The following GRM8 variants were observed in gnomAD, a reference collection of about 807,000 sequenced individuals.
GRM8 encodes metabotropic glutamate receptor 8.
Under a neutral mutation model 87.2 loss-of-function variants are expected in GRM8, and 47 were observed. The ratio of observed to expected loss-of-function variants is 0.54; its 90% CI spans 0.43 to 0.69. GRM8 has a LOEUF of 0.69. Among genes scored for constraint, GRM8 ranks in the 30% least tolerant of loss-of-function variants. GRM8 has a pLI of 0.00. For synonymous variants in GRM8, 396 were observed against 404.5 expected (o/e 0.98, Z 0.25); for missense variants, 1,019 against 1,139.2 (o/e 0.89, Z 1.52).
intron 2 of GRM8, chr7:127,111,156 G>T (rs1422731712): frequency 1.3e-5 from 2 of 152,182 alleles, no homozygotes; most frequent in African/African-American, 4.8e-5. Context: ...GTTCTTAGCA[G>T]ATAGTCATGT....
intron 2 of GRM8, among the ~76,000 whole-genome samples, chr7:127,134,717 G>A (rs528758413): frequency 6.6e-6 from 1 of 152,226 alleles, no homozygotes; most frequent in African/African-American, 2.4e-5. Context: ...TCTGTTAACT[G>A]ATAGGCATTT....
At chr7:126,761,521 C>T (rs546624393) in intron 7 of GRM8, among the ~76,000 whole-genome samples, 3 of 152,230 alleles carry the variant, frequency 2.0e-5, no homozygotes, top group Admixed American at 1.3e-4. Flanking sequence ...AACATACCAT[C>T]GCTGCCTTTA....
intron 2 of GRM8, among the ~76,000 whole-genome samples, chr7:127,231,108 A>G (rs749377801): frequency 6.6e-6 from 1 of 152,212 alleles, no homozygotes; most frequent in Non-Finnish European, 1.5e-5. Flanking sequence ...AACATGCGGC[A>G]TATACCTATG....
chr7:126,449,446 T>G (rs1276758105), intron 9 of GRM8, among the ~76,000 whole-genome samples: 1 of 151,862 alleles, frequency 6.6e-6, no homozygotes, highest in East Asian at 1.9e-4. Context: ...GAAACATTCT[T>G]TACCCTACAA....
rs189279671 is a variant in GRM8 at position 126,582,842 on chromosome 7, G to A, written c.1494+26520C>T. 2.1e-4 allele frequency among the ~76,000 whole-genome samples: 32 copies of A among 152,166 alleles called. No individual in the cohort carries two copies. The East Asian group carries it at 2.1e-3, about 10-fold the overall frequency. On this transcript the variant is annotated intron_variant, in intron 8 of 10. Coordinates refer to ENST00000339582, the MANE Select transcript of GRM8 (RefSeq NM_000845.3). ...TTTCATGTATGTTGGTTTACAACAT[G>A]GTTTACTGAATATTTTAAACATATC...
rs201469961 is a variant in GRM8 at position 126,533,754 on chromosome 7, C to T, written c.1628G>A (p.Gly543Asp). 86 of 1,614,070 alleles carry T rather than the reference C, an allele frequency of 5.3e-5. No individual in the cohort carries two copies. The East Asian group carries it at 1.7e-3, about 32-fold the overall frequency. The change falls in exon 9 of 11, where the codon GGT becomes GAT. Residue 543 changes from glycine (G) to aspartate (D), a missense_variant. By Grantham distance (94) the Gly-to-Asp change is moderately conservative. Transcript: ENST00000339582. ...CAGCTCATCCACCTGGTAGTTGTAA[C>T]CTTCACAGCGTTCACAGTGCCAGCA... ...PCCWHCERCE[G>D]YNYQVDELSC...
At chr7:126,942,735 G>A (rs1164926757) in intron 3 of GRM8, among the ~76,000 whole-genome samples, 1 of 152,150 alleles carries the variant, frequency 6.6e-6, no homozygotes, top group African/African-American at 2.4e-5. Flanking sequence ...GTCAGAAACA[G>A]GCAGAGTGAA....
intron 7 of GRM8, among the ~76,000 whole-genome samples, chr7:126,745,694 T>C (rs1815582639): frequency 1.3e-5 from 2 of 151,718 alleles, no homozygotes; most frequent in Admixed American, 1.3e-4. Flanking sequence ...TTCATTCTTT[T>C]CTATTCTGTT....
chr7:126,591,677 A>T (rs1796681299), intron 8 of GRM8, among the ~76,000 whole-genome samples: 1 of 152,008 alleles, frequency 6.6e-6, no homozygotes, highest in African/African-American at 2.4e-5. Context: ...GCATCAAAAA[A>T]GACCAGTCTA....
intron 8 of GRM8, among the ~76,000 whole-genome samples, chr7:126,587,846 G>T (rs931558231): frequency 6.7e-6 from 1 of 149,832 alleles, no homozygotes; most frequent in Non-Finnish European, 1.5e-5. Context: ...AAAAAGTAAT[G>T]TGAAGTATGA....
chr7:126,865,265 CT>C (rs1399377758), intron 6 of GRM8, among the ~76,000 whole-genome samples: 8 of 152,142 alleles, frequency 5.3e-5, no homozygotes, highest in African/African-American at 1.9e-4. Context: ...TAATATCATG[CT>C]TTTTCCAGTG....
intron 3 of GRM8, among the ~76,000 whole-genome samples, chr7:126,940,534 T>C (rs1806805632): frequency 6.6e-6 from 1 of 152,146 alleles, no homozygotes; most frequent in Non-Finnish European, 1.5e-5. Context: ...TAGGTCCAAC[T>C]CACACTGCTC....
chr7:126,879,966 A>C (rs188960393), intron 6 of GRM8, among the ~76,000 whole-genome samples: 1 of 152,312 alleles, frequency 6.6e-6, no homozygotes, highest in African/African-American at 2.4e-5. Flanking sequence ...AGAAAAACTG[A>C]AAAGGTGTCT....
At chr7:126,613,316 T>A (rs1311458172) in intron 7 of GRM8, among the ~76,000 whole-genome samples, 2 of 152,146 alleles carry the variant, frequency 1.3e-5, no homozygotes, top group African/African-American at 4.8e-5. Flanking sequence ...AAATTTCAAA[T>A]GACAAATGTC....
Position 126,533,483 on chromosome 7 carries a change from A to G in GRM8, c.1899T>C (p.Tyr633=). 1.2e-6 allele frequency: 2 copies of G among 1,614,106 alleles called. No individual in the cohort carries two copies. Among genetic ancestry groups the G allele is most frequent in the Non-Finnish European group, 1.7e-6 (2 of 1,180,012 alleles). ...YVLLTGIFLC[Y]SITFLMIAAP... ...CTGCAATCATTAAAAACGTGATTGA[A>G]TAACAGAGAAAAATCCCCGTTAGGA... is the stretch of plus-strand genomic sequence containing the variant. Residue 633 remains tyrosine (Y), a synonymous_variant, in exon 9 of 11, where the codon TAT becomes TAC. Transcript: ENST00000339582.
At chr7:126,824,279 T>C (rs1794558822) in intron 6 of GRM8, among the ~76,000 whole-genome samples, 1 of 152,136 alleles carries the variant, frequency 6.6e-6, no homozygotes, top group South Asian at 2.1e-4. Flanking sequence ...TTTGTTTCAA[T>C]TACTCCCTTA....
intron 6 of GRM8, among the ~76,000 whole-genome samples, chr7:126,842,724 T>C (rs1288716364): frequency 6.6e-6 from 1 of 152,152 alleles, no homozygotes; most frequent in East Asian, 1.9e-4. Flanking sequence ...TTGCTGGCTT[T>C]GAAGATAGAA....
At chr7:126,744,675 A>T (rs533601180) in intron 7 of GRM8, among the ~76,000 whole-genome samples, 62 of 151,994 alleles carry the variant, frequency 4.1e-4, no homozygotes, top group Non-Finnish European at 7.2e-4. Context: ...ATCAAACAAT[A>T]TTTGTCAGAT....
chr7:126,955,236 C>T (rs1214383488), intron 3 of GRM8, among the ~76,000 whole-genome samples: 1 of 152,146 alleles, frequency 6.6e-6, no homozygotes, highest in Non-Finnish European at 1.5e-5. Flanking sequence ...ATTACCCATG[C>T]CTGGATAACA....
Sources: allele counts gnomAD v4.1 joint callset (sites outside exome capture counted in the v4.1 genomes callset), GRCh38; gene constraint gnomAD v4.1.1; transcripts MANE v1.5; gene names NCBI Gene and HGNC (gene_info 2026-07-23, HGNC 2026-07-21).